Variants in SLC25A30 observed in about 807,000 individuals in gnomAD.
SLC25A30 encodes kidney mitochondrial carrier protein 1.
A neutral mutation model predicts 42.7 loss-of-function variants in SLC25A30; 29 were observed. The observed-to-expected ratio is 0.68, with a 90% CI of 0.51 to 0.93. The LOEUF (loss-of-function observed/expected upper bound fraction) is 0.93. Ranked by LOEUF, SLC25A30 falls within the 40% of genes least tolerant of loss-of-function variation. SLC25A30 has a pLI of 0.00. For synonymous variants in SLC25A30, 124 were observed against 131.0 expected, an observed-to-expected ratio of 0.95 and a Z score of 0.37; for missense variants, 300 against 359.7, an observed-to-expected ratio of 0.83 and a Z score of 1.34.
chr13:45,394,848 CAG>C lies in SLC25A30; in HGVS notation c.*1124_*1125del, dbSNP rs1258634231. ...GCAGGTATTTTCCATCCAAACTAAA[CAG>C]AAAGTCCAAGACAGGCACAACATAA... On this transcript the variant is annotated 3_prime_UTR_variant, in exon 10 of 10. Coordinates refer to ENST00000519676, the MANE Select transcript of SLC25A30 (RefSeq NM_001010875.4). 2.9e-5 allele frequency: 29 copies of C among 985,382 alleles called. No homozygotes were observed. The East Asian group carries it at 2.3e-3, about 77-fold the overall frequency. The allele number at this position is 985,382 out of a possible 1,614,324, so 61.0% of individuals were successfully genotyped here.
chr13:45,400,341 G>A (rs926396255), intron 7 of SLC25A30, among the ~76,000 whole-genome samples: 1 of 151,854 alleles, frequency 6.6e-6, no homozygotes, highest in African/African-American at 2.4e-5. Context: ...AGGATCACTT[G>A]AGCCCAGGAG....
At position 45,395,621 on chromosome 13, in the gene SLC25A30, C is replaced by G. The variant is rs2137614245; in HGVS notation, c.*353G>C. On this transcript the variant is annotated 3_prime_UTR_variant, in exon 10 of 10. Coordinates refer to ENST00000519676, the MANE Select transcript of SLC25A30 (RefSeq NM_001010875.4). ...TTTCTAGAGCAGTCTGATTCTCAGT[C>G]ATGAGCTGAGATGCATCAGGAGCTA... 8.6e-7 allele frequency: 1 copy of G among 1,166,932 alleles called. No homozygotes were observed. The highest frequency in any genetic ancestry group is 1.1e-6 in the Non-Finnish European group (1 of 933,162). 72.3% of individuals were successfully genotyped at this position (1,166,932 alleles called of 1,614,324 possible). A position where few individuals can be genotyped will look rare whatever the true frequency, so the allele number is the denominator to read the frequency against.
intron 1 of SLC25A30, 129 bp from the exon 2 acceptor site, chr13:45,411,609 G>T: frequency 1.7e-6 from 1 of 605,486 alleles, no homozygotes; most frequent in South Asian, 1.9e-5. Flanking sequence ...CCCAAGGGGA[G>T]CCTCCCCTTA....
chr13:45,401,583 C>T (rs1881985177), intron 6 of SLC25A30, among the ~76,000 whole-genome samples: 1 of 151,662 alleles, frequency 6.6e-6, no homozygotes, highest in Non-Finnish European at 1.5e-5. Flanking sequence ...TGCCTAATAA[C>T]ACAGACTTCA....
the SLC25A30 span, among the ~76,000 whole-genome samples, chr13:45,432,036 A>G: frequency 0.53 from 79,751 of 151,778 alleles, 21,598 homozygotes; most frequent in African/African-American, 0.61. Context: ...TTGGAAGGCC[A>G]AGGTGGGTGG....
the SLC25A30 span, among the ~76,000 whole-genome samples, chr13:45,424,029 A>G: frequency 1.9e-5 from 2 of 104,336 alleles, no homozygotes; most frequent in Non-Finnish European, 3.4e-5. Flanking sequence ...GTAAAAATAT[A>G]TATTTATATA....
chr13:45,418,623 A>G (rs999003051), upstream of SLC25A30: 2 of 152,148 alleles, frequency 1.3e-5, no homozygotes, highest in Non-Finnish European at 2.9e-5. Context: ...GGCCTCCGAT[A>G]TCGACTGGGA....
At chr13:45,406,514 C>G (rs1420264806) in intron 3 of SLC25A30, among the ~76,000 whole-genome samples, 2 of 152,182 alleles carry the variant, frequency 1.3e-5, no homozygotes, top group Admixed American at 1.3e-4. Flanking sequence ...AAGACAGAAT[C>G]AGGAAAAACA....
At chr13:45,416,001 T>C (rs933352440) in intron 1 of SLC25A30, among the ~76,000 whole-genome samples, 1 of 151,014 alleles carries the variant, frequency 6.6e-6, no homozygotes, top group Non-Finnish European at 1.5e-5. Context: ...GGTTTCACCA[T>C]GTTGGTTAGG....
chr13:45,423,973 A>ATAAATATATATAAATATATG, the SLC25A30 span, among the ~76,000 whole-genome samples: 3 of 78,892 alleles, frequency 3.8e-5, no homozygotes, highest in South Asian at 1.3e-3. Context: ...ATAAACATAT[A>ATAAATATATATAAATATATG]ACAATATATA....
chr13:45,428,190 A>G, the SLC25A30 span, among the ~76,000 whole-genome samples: 33 of 151,124 alleles, frequency 2.2e-4, 1 homozygote, highest in East Asian at 3.7e-3. Context: ...CAATTTGTTC[A>G]TGTTCTTTCT....
intron 4 of SLC25A30, among the ~76,000 whole-genome samples, 182 bp downstream of exon 4, chr13:45,405,701 C>T (rs1345103144): frequency 2.0e-5 from 3 of 152,168 alleles, no homozygotes; most frequent in Non-Finnish European, 4.4e-5. Context: ...CATTATTTCT[C>T]CCCTCAATTG....
intron 7 of SLC25A30, among the ~76,000 whole-genome samples, chr13:45,399,504 C>T (rs78771194): frequency 0.081 from 12,305 of 152,172 alleles, 705 homozygotes; most frequent in Non-Finnish European, 0.13. Context: ...CCACCATGCC[C>T]AGCCCCAAAA....
intron 8 of SLC25A30, 121 bp from the exon 9 acceptor site, chr13:45,397,459 G>A (rs1317623982): frequency 1.4e-5 from 9 of 640,946 alleles, no homozygotes; most frequent in East Asian, 2.9e-5. Context: ...TTGGGAGGCC[G>A]AGGCGGGTGG....
chr13:45,416,211 C>T (rs1195360446), intron 1 of SLC25A30, among the ~76,000 whole-genome samples: 1 of 151,754 alleles, frequency 6.6e-6, no homozygotes, highest in Admixed American at 6.6e-5. Context: ...AGTTCGAGAC[C>T]AGCCTGGCCA....
the SLC25A30 span, among the ~76,000 whole-genome samples, chr13:45,425,606 ATACATATAT>A: frequency 7.1e-5 from 4 of 55,958 alleles, 1 homozygote; most frequent in Middle Eastern, 0.014. Flanking sequence ...ACATATATAT[ATACATATAT>A]AAATATATAT....
In SLC25A30 at chr13:45,393,604, A is replaced by G; in HGVS notation, c.*2370T>C. On this transcript the variant is annotated 3_prime_UTR_variant, in exon 10 of 10. Transcript: ENST00000519676. The stretch of plus-strand genomic sequence containing the variant: ...ACTAGAATTCCTTTTGGCATATTTA[A>G]GAAAACCCAAAGGTGGGGAGGTACT... 1 of 985,466 alleles carries G rather than the reference A, an allele frequency of 1.0e-6. No individual in the cohort carries two copies. Among genetic ancestry groups the G allele is most frequent in the Non-Finnish European group, 1.2e-6 (1 of 829,938 alleles). 61.0% of individuals were successfully genotyped at this position (985,466 alleles called of 1,614,324 possible).
chr13:45,413,417 C>T (rs1407245990), intron 1 of SLC25A30, among the ~76,000 whole-genome samples: 1 of 152,106 alleles, frequency 6.6e-6, no homozygotes, highest in Non-Finnish European at 1.5e-5. Context: ...CTTCCTTAAC[C>T]CATTCTTAGA....
upstream of SLC25A30, among the ~76,000 whole-genome samples, chr13:45,419,912 C>CTAGCTGCTGCACTCTAGCTGCTGCACTG (rs1246675977): frequency 6.6e-6 from 1 of 151,426 alleles, no homozygotes; most frequent in African/African-American, 2.4e-5. Context: ...CTGCTGCACT[C>CTAGCTGCTGCACTCTAGCTGCTGCACTG]TAGCTGCTGC....
Sources: gnomAD v4.1 joint callset for allele counts (sites outside exome capture counted in the v4.1 genomes callset) on GRCh38, gnomAD v4.1.1 for gene constraint, MANE v1.5 for transcripts, NCBI Gene and HGNC (gene_info 2026-07-23, HGNC 2026-07-21) for gene names.